PRKN: variants seen among roughly 807,000 people sequenced by gnomAD.
PRKN encodes the protein parkin RBR E3 ubiquitin protein ligase.
PRKN carries 56 observed loss-of-function variants against 59.5 expected under a neutral mutation model. The ratio of observed to expected loss-of-function variants is 0.94; its 90% confidence interval spans 0.76 to 1.18. The LOEUF is 1.18. PRKN is among the 50% of genes most tolerant of loss of function. The pLI, the probability that PRKN is intolerant of heterozygous loss-of-function variation, is 0.00. For missense variants in PRKN, 657 were observed against 596.4 expected (o/e 1.10, Z -1.06); for synonymous variants, 250 against 222.1 (o/e 1.13, Z -1.12).
chr6:161,569,597 C>T lies in PRKN; in HGVS notation c.872-181G>A, dbSNP rs35744731. 0.16 allele frequency among the ~76,000 whole-genome samples: 24,433 copies of T among 152,168 alleles called. 2,363 individuals carry two copies. The highest frequency in any genetic ancestry group is 0.29 in the Middle Eastern group (86 of 294). ...GCCAAACCCTCAAAAGAGCTATGGC[C>T]GCTGCCTGGCCTCCAACCGCACCTC... On this transcript the variant is annotated intron_variant, in intron 7 of 11. Coordinates refer to ENST00000366898, the MANE Select transcript of PRKN (RefSeq NM_004562.3).
At chr6:162,029,550 C>A (rs1283517489) in intron 5 of PRKN, among the ~76,000 whole-genome samples, 1 of 152,196 alleles carries the variant, frequency 6.6e-6, no homozygotes, top group Non-Finnish European at 1.5e-5. Context: ...GTGCACCGCA[C>A]TCTAGTTCAT....
chr6:162,335,421 C>T (rs921244831), intron 2 of PRKN, among the ~76,000 whole-genome samples: 3 of 152,050 alleles, frequency 2.0e-5, no homozygotes, highest in East Asian at 1.9e-4. Context: ...TTAAATGCAG[C>T]GGGAAACCAA....
At chr6:162,712,539 C>T (rs1778575735) in intron 1 of PRKN, among the ~76,000 whole-genome samples, 1 of 152,190 alleles carries the variant, frequency 6.6e-6, no homozygotes, top group Non-Finnish European at 1.5e-5. Context: ...GCTTATACAA[C>T]TTGCCATACT....
intron 7 of PRKN, among the ~76,000 whole-genome samples, chr6:161,632,767 C>T (rs1299526000): frequency 6.6e-6 from 1 of 152,178 alleles, no homozygotes; most frequent in Non-Finnish European, 1.5e-5. Flanking sequence ...TCCTTCTTCA[C>T]ACGGAGGCAG....
At chr6:161,398,859 G>A (rs1204195234) in intron 9 of PRKN, among the ~76,000 whole-genome samples, 1 of 152,138 alleles carries the variant, frequency 6.6e-6, no homozygotes, top group Non-Finnish European at 1.5e-5. Context: ...GTTACAGACA[G>A]GAGACAGGGA....
intron 4 of PRKN, among the ~76,000 whole-genome samples, chr6:162,100,979 T>C (rs1779948296): frequency 6.6e-6 from 1 of 152,172 alleles, no homozygotes; most frequent in South Asian, 2.1e-4. Flanking sequence ...TTTTGAATAT[T>C]AACCTCTTAT....
At chr6:162,637,216 C>T (rs1299630008) in intron 1 of PRKN, among the ~76,000 whole-genome samples, 4 of 151,864 alleles carry the variant, frequency 2.6e-5, no homozygotes, top group Admixed American at 6.6e-5. Context: ...GAGATCACGC[C>T]GCTGCACTCC....
chr6:162,533,145 G>A (rs1015238383), intron 1 of PRKN, among the ~76,000 whole-genome samples: 6 of 152,200 alleles, frequency 3.9e-5, no homozygotes, highest in African/African-American at 1.4e-4. Context: ...AGCAACAACA[G>A]AGGAAGGACA....
intron 1 of PRKN, among the ~76,000 whole-genome samples, chr6:162,679,098 AT>A (rs1779670677): frequency 6.8e-6 from 1 of 147,586 alleles, no homozygotes; most frequent in South Asian, 2.1e-4. Context: ...TTATTTATTT[AT>A]TTATTTATTT....
chr6:162,461,970 T>G (rs1376048702), intron 1 of PRKN, among the ~76,000 whole-genome samples: 2 of 152,180 alleles, frequency 1.3e-5, no homozygotes, highest in African/African-American at 4.8e-5. Flanking sequence ...TGCTACAGGT[T>G]AAAGACACAG....
chr6:161,877,100 G>A (rs959708502), intron 6 of PRKN, among the ~76,000 whole-genome samples: 3 of 152,112 alleles, frequency 2.0e-5, no homozygotes, highest in Non-Finnish European at 4.4e-5. Context: ...ATGTAGTCCC[G>A]ACCTTCCCTC....
At chr6:161,747,884 ATGGT>A (rs1788499138) in intron 7 of PRKN, among the ~76,000 whole-genome samples, 1 of 152,206 alleles carries the variant, frequency 6.6e-6, no homozygotes, top group Admixed American at 6.5e-5. Context: ...TGTGAGTTCC[ATGGT>A]TTTCTTGAAA....
chr6:161,364,953 T>C (rs1416483928), intron 10 of PRKN, among the ~76,000 whole-genome samples: 1 of 147,632 alleles, frequency 6.8e-6, no homozygotes, highest in African/African-American at 2.5e-5. Flanking sequence ...AAAATCAGAG[T>C]AGAACTAGAT....
intron 4 of PRKN, among the ~76,000 whole-genome samples, chr6:162,140,988 G>T (rs1781755378): frequency 6.6e-6 from 1 of 152,012 alleles, no homozygotes; most frequent in Non-Finnish European, 1.5e-5. Context: ...AAAGTAGCCA[G>T]GCGTTGTGGC....
intron 2 of PRKN, among the ~76,000 whole-genome samples, chr6:162,308,082 C>T (rs1201561408): frequency 1.3e-5 from 2 of 152,170 alleles, no homozygotes; most frequent in South Asian, 2.1e-4. Flanking sequence ...TGGGTGGTGA[C>T]AGGCACGTGG....
intron 3 of PRKN, 35 bp downstream of exon 3, chr6:162,262,489 CA>C: frequency 6.2e-7 from 1 of 1,613,432 alleles, no homozygotes; most frequent in Middle Eastern, 1.6e-4. Context: ...AACAAACAAA[CA>C]AAATGCTTTA....
At chr6:161,714,254 G>C (rs1285701253) in intron 7 of PRKN, among the ~76,000 whole-genome samples, 1 of 152,102 alleles carries the variant, frequency 6.6e-6, no homozygotes, top group Non-Finnish European at 1.5e-5. Flanking sequence ...GCTTAGAAGG[G>C]AGTGCTATGG....
At position 161,561,829 on chromosome 6, in the gene PRKN, T is replaced by C. The variant is rs1665342703; in HGVS notation, c.933+7526A>G. Among the ~76,000 whole-genome samples the C allele has an allele frequency of 1.3e-5, 2 of 152,182 alleles. No individual in the cohort carries two copies. The highest frequency in any genetic ancestry group is 2.4e-5 in the African/African-American group (1 of 41,448). ...GTTGCTGCATTTCTCTTTCTCTTCA[T>C]AGCAAACCCTCTAGAAGGAATTATC... On this transcript the variant is annotated intron_variant, in intron 8 of 11. Coordinates refer to ENST00000366898, the MANE Select transcript of PRKN (RefSeq NM_004562.3). This position sits in a 1 kb window ranked among gnomAD's most constrained non-coding sequence, Gnocchi z 5.0.
intron 1 of PRKN, among the ~76,000 whole-genome samples, chr6:162,533,988 A>AAAAAAG (rs71004099): frequency 7.0e-5 from 10 of 143,748 alleles, no homozygotes; most frequent in Non-Finnish European, 1.2e-4. Context: ...AAAAAAAAAA[A>AAAAAAG]GAGATATGAA....
Sources: gnomAD v4.1 joint callset for allele counts (sites outside exome capture counted in the v4.1 genomes callset) on GRCh38, gnomAD v4.1.1 for gene constraint, Gnocchi (gnomAD v3.1) non-coding constraint, MANE v1.5 for transcripts, NCBI Gene and HGNC (gene_info 2026-07-23, HGNC 2026-07-21) for gene names.